The following UST variants were observed in gnomAD, a reference collection of about 807,000 sequenced individuals.
UST encodes the protein chondroitin sulfate 2-O-sulfotransferase.
UST carries 21 observed loss-of-function variants against 45.6 expected under a neutral mutation model. The ratio of observed to expected loss-of-function variants is 0.46; its 90% confidence interval spans 0.33 to 0.66. UST has a LOEUF of 0.66. Ranked by LOEUF, UST falls within the 30% of genes least tolerant of loss-of-function variation. UST has a pLI of 0.02. For missense variants in UST, 463 were observed against 512.4 expected (o/e 0.90, Z 0.93); for synonymous variants, 215 against 200.6 (o/e 1.07, Z -0.61).
chr6:148,992,384 G>C (rs1447242518), intron 5 of UST, among the ~76,000 whole-genome samples: 2 of 152,162 alleles, frequency 1.3e-5, no homozygotes, highest in Non-Finnish European at 2.9e-5. Flanking sequence ...CAGGAGAATG[G>C]GGTGAACCCG....
chr6:148,753,790 G>A (rs1005073195), intron 1 of UST, among the ~76,000 whole-genome samples: 2 of 152,044 alleles, frequency 1.3e-5, no homozygotes, highest in African/African-American at 4.8e-5. Flanking sequence ...TACATCCCCC[G>A]CCAAGAAAGT....
chr6:148,959,848 G>C lies in UST; in HGVS notation c.528-4562G>C, dbSNP rs544796871. 2.6e-3 allele frequency among the ~76,000 whole-genome samples: 401 copies of C among 151,528 alleles called. 1 individual carries two copies. Among genetic ancestry groups the C allele is most frequent in the African/African-American group, 9.5e-3 (390 of 41,122 alleles). On this transcript the variant is annotated intron_variant, in intron 4 of 7. Transcript: ENST00000367463. Reference sequence around the variant, plus strand: ...TTGTGTTTTGTGATGGATGGTGGGCGGAGGGGAGTCTAGTCCTGGGCAGAG... The same window carrying C: ...TTGTGTTTTGTGATGGATGGTGGGCCGAGGGGAGTCTAGTCCTGGGCAGAG...
At chr6:148,993,138 G>T in intron 5 of UST, 3 of 915,016 alleles carry the variant, frequency 3.3e-6, no homozygotes, top group Non-Finnish European at 3.9e-6. Context: ...CTGAATGTCA[G>T]TAAGTTCGAT....
Position 148,987,537 on chromosome 6 carries a change from C to T in UST, c.681+22974C>T, listed in dbSNP as rs9485344. Reference sequence around the variant, plus strand: ...GAGTAAGCTGCAGAAGACTTTGTGCCTTGAAGCTTCCTTCCAGATGAAAAA... The same window carrying T: ...GAGTAAGCTGCAGAAGACTTTGTGCTTTGAAGCTTCCTTCCAGATGAAAAA... On this transcript the variant is annotated intron_variant, in intron 5 of 7. Transcript: ENST00000367463. 3.3e-3 allele frequency among the ~76,000 whole-genome samples: 509 copies of T among 152,274 alleles called. 4 individuals are homozygous for T. Among genetic ancestry groups the T allele is most frequent in the South Asian group, 8.9e-3 (43 of 4,822 alleles).
chr6:148,816,272 G>A (rs1436744060), intron 1 of UST, among the ~76,000 whole-genome samples: 3 of 152,188 alleles, frequency 2.0e-5, no homozygotes, highest in Non-Finnish European at 4.4e-5. Context: ...GTCACCATGA[G>A]GAGGAGGATG....
intron 1 of UST, among the ~76,000 whole-genome samples, chr6:148,839,438 T>C (rs1777850788): frequency 6.6e-6 from 1 of 152,232 alleles, no homozygotes; most frequent in Non-Finnish European, 1.5e-5. Context: ...TTTTGTTTTA[T>C]ATAGAATGAG....
At chr6:148,763,337 C>T (rs1037486726) in intron 1 of UST, among the ~76,000 whole-genome samples, 1 of 152,014 alleles carries the variant, frequency 6.6e-6, no homozygotes, top group Non-Finnish European at 1.5e-5. Flanking sequence ...TGTCCTTTGC[C>T]CACTTTTTAA....
At chr6:148,794,030 A>T (rs1187889019) in intron 1 of UST, among the ~76,000 whole-genome samples, 1 of 152,226 alleles carries the variant, frequency 6.6e-6, no homozygotes, top group Non-Finnish European at 1.5e-5. Context: ...GTTTCTGTTC[A>T]GCTTTCATAG....
At chr6:148,938,662 T>C (rs997329698) in intron 2 of UST, among the ~76,000 whole-genome samples, 3 of 152,096 alleles carry the variant, frequency 2.0e-5, no homozygotes, top group Non-Finnish European at 4.4e-5. Flanking sequence ...TTGATTATTG[T>C]CAGTTGTTGA....
chr6:148,789,093 A>C (rs6919514), intron 1 of UST, among the ~76,000 whole-genome samples: 20,524 of 152,270 alleles, frequency 0.13, 1,395 homozygotes, highest in Middle Eastern at 0.19. Flanking sequence ...TGGTTTGCTG[A>C]GAGTTTTAAT....
chr6:149,002,479 A>G (rs1449182458), intron 5 of UST, among the ~76,000 whole-genome samples: 1 of 152,130 alleles, frequency 6.6e-6, no homozygotes, highest in Non-Finnish European at 1.5e-5. Flanking sequence ...TAATAACATG[A>G]TACATTTTTA....
At chr6:149,020,289 A>C (rs1206814763) in intron 6 of UST, among the ~76,000 whole-genome samples, 1 of 152,150 alleles carries the variant, frequency 6.6e-6, no homozygotes, top group African/African-American at 2.4e-5. Flanking sequence ...AAGCCCCCTG[A>C]GTCCAGGTGG....
Position 148,831,942 on chromosome 6 carries a change from G to A in UST, c.248-55044G>A, listed in dbSNP as rs1379711710. Among the ~76,000 whole-genome samples the A allele has an allele frequency of 2.6e-5, 4 of 152,164 alleles. No homozygotes were observed. The East Asian group carries it at 7.7e-4, about 29-fold the overall frequency. On this transcript the variant is annotated intron_variant, in intron 1 of 7. Coordinates refer to ENST00000367463, the MANE Select transcript of UST (RefSeq NM_005715.3). ...GTTAAACTCAATTACCCAACCTGAT[G>A]ATAAACAATGGGTCTAATACTTGTA...
At chr6:148,881,068 T>C (rs1025834669) in intron 1 of UST, among the ~76,000 whole-genome samples, 1 of 151,930 alleles carries the variant, frequency 6.6e-6, no homozygotes, top group Non-Finnish European at 1.5e-5. Context: ...GTAGTGTTGT[T>C]GGTTTTGGTG....
At chr6:148,915,067 A>G (rs556582732) in intron 2 of UST, among the ~76,000 whole-genome samples, 6 of 152,120 alleles carry the variant, frequency 3.9e-5, no homozygotes, top group African/African-American at 1.4e-4. Flanking sequence ...GTCTTTTTTT[A>G]TAAGAGCACT....
chr6:148,892,202 A>G (rs549944429), intron 2 of UST, among the ~76,000 whole-genome samples: 1 of 152,270 alleles, frequency 6.6e-6, no homozygotes, highest in South Asian at 2.1e-4. Flanking sequence ...TCCATGATCA[A>G]TTTCATCATC....
intron 1 of UST, among the ~76,000 whole-genome samples, chr6:148,849,827 T>C (rs924263754): frequency 2.6e-5 from 4 of 152,162 alleles, no homozygotes; most frequent in African/African-American, 4.8e-5. Context: ...GAGATTTGGG[T>C]GGGGACACAG....
chr6:149,017,511 C>G (rs1775921132), intron 5 of UST, among the ~76,000 whole-genome samples: 1 of 152,166 alleles, frequency 6.6e-6, no homozygotes, highest in Non-Finnish European at 1.5e-5. Flanking sequence ...CAATCGTGTG[C>G]TGTGTCTCCT....
chr6:148,964,185 C>T (rs543018665), intron 4 of UST, among the ~76,000 whole-genome samples: 5 of 152,338 alleles, frequency 3.3e-5, no homozygotes, highest in African/African-American at 4.8e-5. Flanking sequence ...AATGTCCTCA[C>T]AGCCCCTCAA....
Sources: allele counts gnomAD v4.1 joint callset (sites outside exome capture counted in the v4.1 genomes callset), GRCh38; gene constraint gnomAD v4.1.1; transcripts MANE v1.5; gene names NCBI Gene and HGNC (gene_info 2026-07-23, HGNC 2026-07-21).